The following CMSS1 variants were observed in gnomAD, a reference collection of about 807,000 sequenced individuals.
The protein encoded by CMSS1 is cms1 ribosomal small subunit homolog, also known as protein CMSS1.
CMSS1 carries 33 observed loss-of-function variants against 43.5 expected under a neutral mutation model. The observed-to-expected ratio is 0.76, with a 90% CI of 0.57 to 1.01. The LOEUF is 1.01. Ranked by LOEUF, CMSS1 falls within the 50% of genes least tolerant of loss-of-function variation. CMSS1 has a pLI of 0.00. For synonymous variants in CMSS1, 115 were observed against 117.2 expected, an observed-to-expected ratio of 0.98 and a Z score of 0.12; for missense variants, 313 against 326.4, an observed-to-expected ratio of 0.96 and a Z score of 0.32.
chr3:100,009,343 A>G (rs1241541737), intron 1 of CMSS1, among the ~76,000 whole-genome samples: 2 of 152,200 alleles, frequency 1.3e-5, no homozygotes, highest in Non-Finnish European at 2.9e-5. Flanking sequence ...AGGGAGTTAG[A>G]GTTCGCAGTA....
chr3:99,936,623 C>G (rs543361896), intron 1 of CMSS1, among the ~76,000 whole-genome samples: 1 of 149,262 alleles, frequency 6.7e-6, no homozygotes, highest in Non-Finnish European at 1.5e-5. Flanking sequence ...CTGCCTGCCT[C>G]GGCCTCCCAA....
intron 1 of CMSS1, among the ~76,000 whole-genome samples, chr3:100,128,391 C>G (rs2066679624): frequency 6.6e-6 from 1 of 151,966 alleles, no homozygotes; most frequent in South Asian, 2.1e-4. Flanking sequence ...ATTAAGACAC[C>G]AAAAAAATCC....
At position 99,987,975 on chromosome 3, in the gene CMSS1, CT is replaced by C. The variant is rs1221598422; in HGVS notation, c.65-158996del. Reference sequence around the variant, plus strand: ...GTTCTTCCAGGCCATCATTCTGTTTCTTAAGAATAGCTCTTTTTTCTCTAAT... The same window carrying C: ...GTTCTTCCAGGCCATCATTCTGTTTCTAAGAATAGCTCTTTTTTCTCTAAT... On this transcript the variant is annotated intron_variant, in intron 1 of 9. Coordinates refer to ENST00000421999, the MANE Select transcript of CMSS1 (RefSeq NM_032359.4). Among the ~76,000 whole-genome samples the C allele has an allele frequency of 3.3e-5, 5 of 152,252 alleles. 1 individual carries two copies. Among genetic ancestry groups the C allele is most frequent in the African/African-American group, 9.6e-5 (4 of 41,560 alleles).
intron 1 of CMSS1, among the ~76,000 whole-genome samples, chr3:99,935,733 T>C (rs1156644655): frequency 2.6e-5 from 4 of 152,256 alleles, no homozygotes; most frequent in African/African-American, 4.8e-5. Context: ...CTTGTATCTA[T>C]GGATACAAAT....
intron 1 of CMSS1, among the ~76,000 whole-genome samples, chr3:100,062,346 C>CTGAGACG (rs1320020425): frequency 6.6e-6 from 1 of 151,870 alleles, no homozygotes; most frequent in Non-Finnish European, 1.5e-5. Flanking sequence ...CTCCTGACCT[C>CTGAGACG]GCGATCCACC....
intron 1 of CMSS1, among the ~76,000 whole-genome samples, chr3:100,135,556 G>C (rs1370887597): frequency 1.3e-5 from 2 of 151,182 alleles, no homozygotes; most frequent in African/African-American, 4.9e-5. Context: ...ATAGCTCATT[G>C]TATCTTCGAA....
intron 1 of CMSS1, among the ~76,000 whole-genome samples, chr3:100,068,291 A>G (rs2065700439): frequency 6.6e-6 from 1 of 152,160 alleles, no homozygotes; most frequent in African/African-American, 2.4e-5. Context: ...CAATTTTGCC[A>G]TGTTATTATA....
At chr3:99,947,974 G>A (rs998213610) in intron 1 of CMSS1, among the ~76,000 whole-genome samples, 6 of 152,202 alleles carry the variant, frequency 3.9e-5, no homozygotes, top group Non-Finnish European at 7.3e-5. Flanking sequence ...AATCAGACCT[G>A]TAGAGCATAT....
At chr3:100,106,543 G>T (rs1028089271) in intron 1 of CMSS1, among the ~76,000 whole-genome samples, 9 of 152,120 alleles carry the variant, frequency 5.9e-5, no homozygotes, top group Admixed American at 5.9e-4. Context: ...CCAAAGAAAG[G>T]TTGAGAGCTG....
At chr3:99,828,157 T>C (rs558440618) in intron 1 of CMSS1, among the ~76,000 whole-genome samples, 1 of 152,330 alleles carries the variant, frequency 6.6e-6, no homozygotes, top group African/African-American at 2.4e-5. Context: ...TTTCAACCTG[T>C]TTGGTTTTCA....
intron 1 of CMSS1, among the ~76,000 whole-genome samples, chr3:100,060,593 A>T (rs916205323): frequency 1.3e-5 from 2 of 152,080 alleles, no homozygotes; most frequent in Non-Finnish European, 2.9e-5. Context: ...AGTGGCTCAC[A>T]CCTGTAATCC....
In CMSS1 at chr3:100,128,893, T is replaced by C. The variant is rs947122944; in HGVS notation, c.65-18080T>C. ...TATGAATATGCCATCGTTTATCCGT[T>C]CTCTCTTGTTGATGGGCATCTATCA... On this transcript the variant is annotated intron_variant, in intron 1 of 9. Transcript: ENST00000421999. Among the ~76,000 whole-genome samples, 32 of 152,234 alleles carry C rather than the reference T, an allele frequency of 2.1e-4. 1 individual carries two copies. Among genetic ancestry groups the C allele is most frequent in the Admixed American group, 7.9e-4 (12 of 15,284 alleles).
chr3:99,844,649 T>A (rs971574503), intron 1 of CMSS1, among the ~76,000 whole-genome samples: 2 of 152,182 alleles, frequency 1.3e-5, no homozygotes, highest in Non-Finnish European at 2.9e-5. Flanking sequence ...TGATAAAATA[T>A]CCCTTCTATG....
chr3:99,957,505 G>A lies in CMSS1; in HGVS notation c.64+139462G>A, dbSNP rs531257705. ...AAGATCCTCATTAGGTTTCTGTGTG[G>A]TAATATCATCAGACATCTTTTAAGG... On this transcript the variant is annotated intron_variant, in intron 1 of 9. Transcript: ENST00000421999. 9.9e-5 allele frequency among the ~76,000 whole-genome samples: 15 copies of A among 151,950 alleles called. No individual in the cohort carries two copies. The South Asian group carries it at 3.1e-3, about 32-fold the overall frequency.
chr3:100,144,988 G>C (rs996231400), intron 1 of CMSS1, among the ~76,000 whole-genome samples: 1 of 152,102 alleles, frequency 6.6e-6, no homozygotes, highest in African/African-American at 2.4e-5. Context: ...GAGGGGTAGG[G>C]AACAGTGTAA....
chr3:99,850,097 C>T lies in CMSS1; in HGVS notation c.64+32054C>T. 1.9e-6 allele frequency: 3 copies of T among 1,613,238 alleles called. No homozygotes were observed. In the South Asian group the frequency reaches 3.3e-5, roughly 18 times the overall value. On this transcript the variant is annotated intron_variant, in intron 1 of 9. Coordinates refer to ENST00000421999, the MANE Select transcript of CMSS1 (RefSeq NM_032359.4). Reference sequence around the variant, plus strand: ...ACTGTTGTTACTTTATTTTGCTCCACTTGAAGCTGAGAAGAAGCAGCTTGT... The same window carrying T: ...ACTGTTGTTACTTTATTTTGCTCCATTTGAAGCTGAGAAGAAGCAGCTTGT...
At chr3:99,855,326 C>T (rs1223759059) in intron 1 of CMSS1, among the ~76,000 whole-genome samples, 2 of 152,062 alleles carry the variant, frequency 1.3e-5, no homozygotes, top group Non-Finnish European at 2.9e-5. Flanking sequence ...GCAAAAAGGG[C>T]GTTAAATGAT....
Position 100,166,346 on chromosome 3 carries a change from C to G in CMSS1, c.367C>G (p.Leu123Val). ...EELNLPDSCF[L>V]KANDLTHSLS... ...TATTATATTTCTAGACTCCTGTTTC[C>G]TCAAGGCCAATGATTTGACTCACAG... The change falls in exon 5 of 10, where the codon CTC (leucine) becomes GTC (valine). Residue 123 changes from leucine (L) to valine (V), a missense_variant. Coordinates refer to ENST00000421999, the MANE Select transcript of CMSS1 (RefSeq NM_032359.4). The G allele has an allele frequency of 1.3e-6, 2 of 1,598,494 alleles. No individual in the cohort carries two copies. Among genetic ancestry groups the G allele is most frequent in the Non-Finnish European group, 1.7e-6 (2 of 1,166,270 alleles).
chr3:100,112,507 AAATTTATTGCT>A (rs1334453456), intron 1 of CMSS1, among the ~76,000 whole-genome samples: 1 of 152,214 alleles, frequency 6.6e-6, no homozygotes, highest in Non-Finnish European at 1.5e-5. Flanking sequence ...TTTATTACTT[AAATTTATTGCT>A]AATTTATTGC....
Sources: allele counts gnomAD v4.1 joint callset (sites outside exome capture counted in the v4.1 genomes callset), GRCh38; gene constraint gnomAD v4.1.1; transcripts MANE v1.5; gene names NCBI Gene and HGNC (gene_info 2026-07-23, HGNC 2026-07-21).